The following DNAH8 variants were observed in gnomAD, a reference collection of about 807,000 sequenced individuals.
DNAH8 encodes axonemal beta dynein heavy chain 8.
In DNAH8, 382 loss-of-function variants were observed where a neutral mutation model predicts 562.1. That is an observed-to-expected ratio of 0.68 (90% confidence interval 0.63 to 0.74). The LOEUF (loss-of-function observed/expected upper bound fraction) is 0.74, where lower values mean the gene tolerates loss of function less well. Among genes scored for constraint, DNAH8 ranks in the 30% least tolerant of loss-of-function variants. The pLI, the probability that DNAH8 is intolerant of heterozygous loss-of-function variation, is 0.00. For synonymous variants in DNAH8, 1,881 were observed against 1,919.4 expected (o/e 0.98, Z 0.52); for missense variants, 5,203 against 5,620.4 (o/e 0.93, Z 2.37).
chr6:38,821,150 A>T (rs1301742050), intron 26 of DNAH8, among the ~76,000 whole-genome samples: 1 of 152,234 alleles, frequency 6.6e-6, no homozygotes, highest in East Asian at 1.9e-4. Flanking sequence ...TGAATTCAGT[A>T]AGACTGCAGG....
At chr6:38,892,921 A>G (rs893508449) in intron 58 of DNAH8, among the ~76,000 whole-genome samples, 2 of 152,132 alleles carry the variant, frequency 1.3e-5, no homozygotes, top group African/African-American at 4.8e-5. Context: ...TTACCTTCAG[A>G]GCGACTGTTC....
intron 79 of DNAH8, among the ~76,000 whole-genome samples, chr6:38,941,715 T>A (rs142060979): frequency 2.0e-5 from 3 of 152,228 alleles, no homozygotes; most frequent in African/African-American, 7.2e-5. Flanking sequence ...AGCCCTCACT[T>A]GGACTTGGGC....
chr6:38,979,757 A>T (rs1409729841), intron 85 of DNAH8, among the ~76,000 whole-genome samples: 1 of 152,244 alleles, frequency 6.6e-6, no homozygotes, highest in Non-Finnish European at 1.5e-5. Flanking sequence ...GCATATAAAT[A>T]GGAGTGTTTC....
At chr6:39,014,332 C>G (rs1020700590) in intron 91 of DNAH8, among the ~76,000 whole-genome samples, 4 of 152,148 alleles carry the variant, frequency 2.6e-5, no homozygotes, top group African/African-American at 7.2e-5. Flanking sequence ...TTATGAGTCT[C>G]TTTCCTCCGT....
At chr6:38,875,269 T>G (rs1777906690) in intron 52 of DNAH8, among the ~76,000 whole-genome samples, 1 of 152,208 alleles carries the variant, frequency 6.6e-6, no homozygotes, top group Non-Finnish European at 1.5e-5. Flanking sequence ...AGTAGCTACC[T>G]TAGCTGCTTA....
intron 88 of DNAH8, among the ~76,000 whole-genome samples, chr6:39,000,688 G>A (rs994518897): frequency 3.9e-5 from 6 of 152,178 alleles, no homozygotes; most frequent in Admixed American, 3.3e-4. Flanking sequence ...ACATGATGGT[G>A]AGTTGTATAA....
intron 15 of DNAH8, 80 bp from the exon 16 acceptor site, chr6:38,781,174 A>C: frequency 6.8e-7 from 1 of 1,467,458 alleles, no homozygotes; most frequent in East Asian, 2.3e-5. Flanking sequence ...ATGATAAAAC[A>C]ATACAAATAT....
chr6:38,779,395 C>T (rs1768369315), intron 14 of DNAH8, among the ~76,000 whole-genome samples: 1 of 151,624 alleles, frequency 6.6e-6, no homozygotes, highest in Admixed American at 6.6e-5. Flanking sequence ...CTCTTTCTGT[C>T]TCTCTCTCTC....
intron 20 of DNAH8, among the ~76,000 whole-genome samples, chr6:38,790,625 C>G (rs547611484): frequency 2.0e-5 from 3 of 151,910 alleles, no homozygotes; most frequent in African/African-American, 4.8e-5. Context: ...GAGTTTGAGA[C>G]CAGCCTGGCC....
chr6:38,987,255 C>T (rs999641555), intron 87 of DNAH8, among the ~76,000 whole-genome samples: 1 of 152,194 alleles, frequency 6.6e-6, no homozygotes, highest in African/African-American at 2.4e-5. Flanking sequence ...GCTCCACCTT[C>T]AAGAGCTCAA....
intron 11 of DNAH8, among the ~76,000 whole-genome samples, chr6:38,762,224 A>T (rs746494677): frequency 3.3e-5 from 5 of 152,196 alleles, no homozygotes; most frequent in Non-Finnish European, 7.3e-5. Context: ...TGCTTTTGTA[A>T]GATTTAAATA....
Position 38,816,582 on chromosome 6 carries a change from T to C in DNAH8, c.3523+925T>C, listed in dbSNP as rs568018460. Among the ~76,000 whole-genome samples the C allele has an allele frequency of 8.0e-3, 901 of 112,298 alleles. 12 individuals are homozygous for C. The highest frequency in any genetic ancestry group is 0.031 in the African/African-American group (828 of 26,286). 73.7% of individuals were successfully genotyped at this position (112,298 alleles called of 152,430 possible). ...TATCCTTATAATAGAATGATTTATATTCCTTCGGGTATATACCCAGTAATG... is the reference window on the plus strand; with the variant it reads ...TATCCTTATAATAGAATGATTTATACTCCTTCGGGTATATACCCAGTAATG... On this transcript the variant is annotated intron_variant, in intron 26 of 92. Transcript: ENST00000327475.
intron 47 of DNAH8, among the ~76,000 whole-genome samples, chr6:38,867,544 A>C (rs2150420815): frequency 6.6e-6 from 1 of 151,144 alleles, no homozygotes; most frequent in Non-Finnish European, 1.5e-5. Flanking sequence ...GGAGATCGAG[A>C]CCATCCTGGC....
At chr6:38,847,863 G>A (rs1334773711) in intron 36 of DNAH8, among the ~76,000 whole-genome samples, 2 of 152,114 alleles carry the variant, frequency 1.3e-5, no homozygotes, top group Non-Finnish European at 2.9e-5. Flanking sequence ...CTCCTTTGTT[G>A]TGCTCAGCTT....
chr6:38,850,221 A>C (rs1168384551), intron 37 of DNAH8, 30 bp from the exon 38 acceptor site: 3 of 1,600,974 alleles, frequency 1.9e-6, no homozygotes, highest in Admixed American at 3.4e-5. Flanking sequence ...TCCAAATGCT[A>C]ATCTTTACTG....
In DNAH8 at chr6:38,924,021, A is replaced by T. The variant is rs1272620609; in HGVS notation, c.10821A>T (p.Gly3607=). Reference sequence around the variant, plus strand: ...TAGGTGATATTCTGCTGTGCACGGGATTCCTTTCCTACCTTGGTCCTTTCA... The same window carrying T: ...TAGGTGATATTCTGCTGTGCACGGGTTTCCTTTCCTACCTTGGTCCTTTCA... ...RLVGDILLCT[G]FLSYLGPFNQ... is the part of the protein sequence containing the mutation. Residue 3607 remains glycine (G), a synonymous_variant, in exon 73 of 93, where the codon GGA becomes GGT. Transcript: ENST00000327475. 6.2e-7 allele frequency: 1 copy of T among 1,613,984 alleles called. No homozygotes were observed.
At chr6:38,865,963 G>T (rs1205751311) in intron 45 of DNAH8, among the ~76,000 whole-genome samples, 1 of 152,190 alleles carries the variant, frequency 6.6e-6, no homozygotes, top group East Asian at 1.9e-4. Context: ...CTTCCTTTGA[G>T]ACTTGGGTCT....
intron 88 of DNAH8, among the ~76,000 whole-genome samples, chr6:39,000,805 A>G (rs772733991): frequency 2.0e-5 from 3 of 152,190 alleles, no homozygotes; most frequent in Non-Finnish European, 4.4e-5. Flanking sequence ...CCTCCAGTCT[A>G]TGGAAAAATG....
chr6:38,753,143 G>A (rs1264893337), intron 9 of DNAH8, among the ~76,000 whole-genome samples: 1 of 151,734 alleles, frequency 6.6e-6, no homozygotes, highest in Admixed American at 6.6e-5. Flanking sequence ...TTTTACCCCT[G>A]CTACTAGTAG....
Sources: allele counts gnomAD v4.1 joint callset (sites outside exome capture counted in the v4.1 genomes callset), GRCh38; gene constraint gnomAD v4.1.1; transcripts MANE v1.5; gene names NCBI Gene and HGNC (gene_info 2026-07-23, HGNC 2026-07-21).